The following CNNM1 variants were observed in gnomAD, a reference collection of about 807,000 sequenced individuals.
CNNM1 encodes metal transporter CNNM1.
Under a neutral mutation model 78.8 loss-of-function variants are expected in CNNM1, and 44 were observed. That is an observed-to-expected ratio of 0.56 (90% CI 0.44 to 0.72). CNNM1 has a LOEUF of 0.72. Ranked by LOEUF, CNNM1 falls within the 30% of genes least tolerant of loss-of-function variation. CNNM1 has a pLI of 0.00. For missense variants in CNNM1, 1,101 were observed against 1,292.2 expected, an observed-to-expected ratio of 0.85 and a Z score of 2.27; for synonymous variants, 584 against 581.5, an observed-to-expected ratio of 1.00 and a Z score of -0.06.
chr10:99,380,467 C>G (rs1196273585), intron 7 of CNNM1, among the ~76,000 whole-genome samples: 1 of 152,150 alleles, frequency 6.6e-6, no homozygotes, highest in African/African-American at 2.4e-5. Context: ...AGATGATCAC[C>G]TAGCATTAGG....
intron 6 of CNNM1, 56 bp from the exon 7 acceptor site, chr10:99,376,999 C>T: frequency 7.7e-7 from 1 of 1,305,062 alleles, no homozygotes; most frequent in East Asian, 2.8e-5. Context: ...CTCCCTCCCC[C>T]TTCTTCCTCC....
At chr10:99,355,898 A>G (rs2031125664) in intron 1 of CNNM1, among the ~76,000 whole-genome samples, 1 of 152,236 alleles carries the variant, frequency 6.6e-6, no homozygotes, top group Non-Finnish European at 1.5e-5. Flanking sequence ...AATGAAGTCT[A>G]TGAAATCTCT....
intron 1 of CNNM1, among the ~76,000 whole-genome samples, chr10:99,346,283 G>A (rs768169447): frequency 6.6e-6 from 1 of 152,142 alleles, no homozygotes; most frequent in Non-Finnish European, 1.5e-5. Context: ...TCCAAGATGG[G>A]ATGAGGGCAT....
rs751667726 is a variant in CNNM1, at chr10:99,377,109, G to A, written c.2231G>A (p.Arg744Gln). ...SGLNRSESPN[R>Q]ERSDFGGSNT... The stretch of plus-strand genomic sequence containing the variant: ...TTGAATCGCTCTGAGTCTCCAAACC[G>A]AGAGCGCAGTGACTTTGGGGGCAGC... The change falls in exon 7 of 11, where the codon CGA becomes CAA. Residue 744 changes from arginine (R) to glutamine (Q), a missense_variant. Arg to Gln is a conservative substitution (Grantham distance 43, BLOSUM62 1). Around this residue, in one of 3 missense-constraint regions of CNNM1, gnomAD observed 348 missense variants for 384.5 expected, o/e 0.90. Coordinates refer to ENST00000356713, the MANE Select transcript of CNNM1 (RefSeq NM_020348.3). 59 of 1,602,734 alleles carry A rather than the reference G, an allele frequency of 3.7e-5. No homozygotes were observed. The highest frequency in any genetic ancestry group is 4.8e-5 in the Non-Finnish European group (56 of 1,174,806).
chr10:99,368,786 A>G (rs1240762084), intron 6 of CNNM1: 1 of 676,490 alleles, frequency 1.5e-6, no homozygotes, highest in South Asian at 1.5e-5. Context: ...TCCAACAGGC[A>G]CTCCTGTGAC....
At chr10:99,386,836 A>G (rs557673725) in intron 7 of CNNM1, among the ~76,000 whole-genome samples, 50 of 152,304 alleles carry the variant, frequency 3.3e-4, no homozygotes, top group African/African-American at 1.1e-3. Context: ...ATTCTGCCCC[A>G]AAGGAAAGAG....
chr10:99,365,018 A>C lies in CNNM1; in HGVS notation c.2176+16A>C. The C allele has an allele frequency of 6.2e-7, 1 of 1,613,428 alleles. No homozygotes were observed. Among genetic ancestry groups the C allele is most frequent in the South Asian group, 1.1e-5 (1 of 90,994 alleles). On this transcript the variant is annotated intron_variant, in intron 6 of 10. Coordinates refer to ENST00000356713, the MANE Select transcript of CNNM1 (RefSeq NM_020348.3). ...TCTGTCTTTCGTATGTATCTCTCAA[A>C]CCCCTTCCTCGTCCTCCCCATCGTA...
At chr10:99,348,047 TA>T (rs764919870) in intron 1 of CNNM1, among the ~76,000 whole-genome samples, 3,760 of 122,304 alleles carry the variant, frequency 0.031, 148 homozygotes, top group African/African-American at 0.15. Context: ...TGTATATATA[TA>T]TATTTTTTTT....
chr10:99,352,389 T>C (rs1016379852), intron 1 of CNNM1, among the ~76,000 whole-genome samples: 2 of 152,238 alleles, frequency 1.3e-5, no homozygotes, highest in Non-Finnish European at 2.9e-5. Context: ...TGTGGACATA[T>C]GTTTTCATTT....
At chr10:99,385,218 A>G (rs2032273282) in intron 7 of CNNM1, among the ~76,000 whole-genome samples, 1 of 152,134 alleles carries the variant, frequency 6.6e-6, no homozygotes, top group Non-Finnish European at 1.5e-5. Context: ...ACCAACTTAT[A>G]GGGGCCCTGA....
chr10:99,334,742 G>C (rs77155022), intron 1 of CNNM1, among the ~76,000 whole-genome samples: 1 of 152,048 alleles, frequency 6.6e-6, no homozygotes, highest in East Asian at 1.9e-4. Context: ...CTCAAGTAAC[G>C]TAACCACCAA....
rs895930949 is a variant in CNNM1 at position 99,364,570 on chromosome 10, G to A, written c.2128+54G>A. On this transcript the variant is annotated intron_variant, in intron 5 of 10. Transcript: ENST00000356713. ...AAAGTAATGGGATATGGTAGAAAAA[G>A]CACAGGGGTTCAAGTCTTGACTCCC... The A allele has an allele frequency of 3.0e-5, 43 of 1,419,166 alleles. 1 individual carries two copies. In the Admixed American group the frequency reaches 8.8e-4, roughly 29 times the overall value. The allele number at this position is 1,419,166 out of a possible 1,614,324, so 87.9% of individuals were successfully genotyped here.
At chr10:99,364,037 T>C (rs543771797) in intron 4 of CNNM1, among the ~76,000 whole-genome samples, 2 of 152,180 alleles carry the variant, frequency 1.3e-5, no homozygotes, top group Non-Finnish European at 2.9e-5. Flanking sequence ...GCCACCGCAC[T>C]CGGCCTAGAT....
intron 1 of CNNM1, among the ~76,000 whole-genome samples, chr10:99,336,721 C>T (rs1454850642): frequency 2.0e-5 from 3 of 152,192 alleles, no homozygotes; most frequent in Non-Finnish European, 4.4e-5. Flanking sequence ...AATCCGAGCA[C>T]TTTGGGAGGC....
chr10:99,368,655 AG>A, intron 6 of CNNM1: 2 of 1,289,632 alleles, frequency 1.6e-6, no homozygotes, highest in Non-Finnish European at 2.0e-6. Context: ...CTGTCAGCAG[AG>A]GGGACTCTCT....
chr10:99,355,778 C>T (rs1332576641), intron 1 of CNNM1, among the ~76,000 whole-genome samples: 1 of 152,192 alleles, frequency 6.6e-6, no homozygotes. Context: ...GAGAATAGCA[C>T]TTACCTCAGT....
rs1564946883 is a variant in CNNM1 at position 99,356,504 on chromosome 10, G to GAGAA, written c.1574-1005_1574-1004insAAGA. ...AGAAAGAAAGAGAGAGAGAGAGAGA[G>GAGAA]AGAGAGAAAGAGAAAGAGAGAAAGA... On this transcript the variant is annotated intron_variant, in intron 1 of 10. Transcript: ENST00000356713. Among the ~76,000 whole-genome samples the GAGAA allele has an allele frequency of 1.5e-3, 141 of 92,912 alleles. 1 individual carries two copies. Among genetic ancestry groups the GAGAA allele is most frequent in the African/African-American group, 4.1e-3 (134 of 32,324 alleles). 61.0% of individuals were successfully genotyped at this position (92,912 alleles called of 152,430 possible). A position where few individuals can be genotyped will look rare whatever the true frequency, so the allele number is the denominator to read the frequency against.
At chr10:99,368,309 G>T in intron 6 of CNNM1, 1 of 258,480 alleles carries the variant, frequency 3.9e-6, no homozygotes, top group Non-Finnish European at 7.8e-6. Flanking sequence ...GGGAGCCTCA[G>T]AGAATGCTGC....
chr10:99,358,393 A>G (rs2031296600), intron 2 of CNNM1, among the ~76,000 whole-genome samples: 1 of 152,202 alleles, frequency 6.6e-6, no homozygotes, highest in Non-Finnish European at 1.5e-5. Flanking sequence ...AATGTTATCT[A>G]AGTCCATGGG....
Sources: gnomAD v4.1 joint callset for allele counts (sites outside exome capture counted in the v4.1 genomes callset) on GRCh38, gnomAD v4.1.1 for gene constraint, gnomAD v4.1.1 regional missense constraint, MANE v1.5 for transcripts, NCBI Gene and HGNC (gene_info 2026-07-23, HGNC 2026-07-21) for gene names.